Variants in ZNF26 observed in about 807,000 individuals in gnomAD.
ZNF26 encodes epididymis luminal protein 179.
Under a neutral mutation model 54.9 loss-of-function variants are expected in ZNF26, and 32 were observed. The ratio of observed to expected loss-of-function variants is 0.58; its 90% confidence interval spans 0.44 to 0.78. The LOEUF is 0.78. Ranked by LOEUF, ZNF26 falls within the 30% of genes least tolerant of loss-of-function variation. The pLI is 0.00. For synonymous variants in ZNF26, 221 were observed against 209.2 expected (o/e 1.06, Z -0.49); for missense variants, 524 against 634.0 (o/e 0.83, Z 1.86).
At position 133,019,422 on chromosome 12, in the gene ZNF26, G is replaced by A. The variant is rs1353094060; in HGVS notation, c.*7941G>A. ...AAGTAGGCAAAAGATCCAAACAGAC[G>A]TTTCTCAGAGAAGACATGCAAATGT... On this transcript the variant is annotated 3_prime_UTR_variant, in exon 4 of 4. Transcript: ENST00000328654. 4.6e-5 allele frequency: 7 copies of A among 152,060 alleles called. No individual in the cohort carries two copies. Among genetic ancestry groups the A allele is most frequent in the South Asian group, 4.1e-4 (2 of 4,828 alleles). The allele number at this position is 152,060 out of a possible 1,614,324, so 9.4% of individuals were successfully genotyped here.
intron 1 of ZNF26, among the ~76,000 whole-genome samples, chr12:132,993,685 A>G (rs1479166382): frequency 6.6e-6 from 1 of 151,218 alleles, no homozygotes; most frequent in African/African-American, 2.4e-5. Context: ...CGAATTCCTG[A>G]CCTCAGGTGA....
intron 1 of ZNF26, among the ~76,000 whole-genome samples, chr12:132,997,041 G>A (rs1438561743): frequency 8.5e-5 from 13 of 152,350 alleles, no homozygotes; most frequent in East Asian, 7.7e-4. Context: ...CTTCTAGACC[G>A]TAGGGAGGGG....
chr12:133,023,403 T>A lies in ZNF26; in HGVS notation c.*11922T>A, dbSNP rs906283324. The A allele has an allele frequency of 2.2e-4, 33 of 152,326 alleles. No homozygotes were observed. Among genetic ancestry groups the A allele is most frequent in the African/African-American group, 7.0e-4 (29 of 41,580 alleles). The allele number at this position is 152,326 out of a possible 1,614,324, so 9.4% of individuals were successfully genotyped here. A position where few individuals can be genotyped will look rare whatever the true frequency, so the allele number is the denominator to read the frequency against. On this transcript the variant is annotated 3_prime_UTR_variant, in exon 4 of 4. Transcript: ENST00000328654. ...TATGTAAGCAGTATTAGAGAATTTT[T>A]AAAATATAGATTACTTCCAAATTCA...
chr12:133,018,832 ATCC>A lies in ZNF26; in HGVS notation c.*7355_*7357del, dbSNP rs1468031925. ...GGTATCAAACTCCAGGGCTCAAGCA[ATCC>A]TCCCATTCTGGTCTCTCGAAGCATC... On this transcript the variant is annotated 3_prime_UTR_variant, in exon 4 of 4. Transcript: ENST00000328654. 6.6e-6 allele frequency: 1 copy of A among 152,044 alleles called. No homozygotes were observed. The highest frequency in any genetic ancestry group is 1.5e-5 in the Non-Finnish European group (1 of 68,026). 9.4% of individuals were successfully genotyped at this position (152,044 alleles called of 1,614,324 possible).
In ZNF26 at chr12:133,019,524, C is replaced by T. The variant is rs1342663318; in HGVS notation, c.*8043C>T. 1 of 151,958 alleles carries T rather than the reference C, an allele frequency of 6.6e-6. No homozygotes were observed. The highest frequency in any genetic ancestry group is 2.4e-5 in the African/African-American group (1 of 41,334). The allele number at this position is 151,958 out of a possible 1,614,324, so 9.4% of individuals were successfully genotyped here. On this transcript the variant is annotated 3_prime_UTR_variant, in exon 4 of 4. Transcript: ENST00000328654. ...AAATTAACCACAATCAGATATCATC[C>T]CTCTTCAGTTAAAATGGCTTGTATC...
rs1953618500 is a variant in ZNF26 at position 133,020,064 on chromosome 12, C to G, written c.*8583C>G. 1 of 151,436 alleles carries G rather than the reference C, an allele frequency of 6.6e-6. No homozygotes were observed. 9.4% of individuals were successfully genotyped at this position (151,436 alleles called of 1,614,324 possible). ...TGAGTTGAGATTGAACTGCTGCCCT[C>G]CAGCCTGGGCGACAGAGTAAAGCTC... is the stretch of plus-strand genomic sequence containing the variant. On this transcript the variant is annotated 3_prime_UTR_variant, in exon 4 of 4. Coordinates refer to ENST00000328654, the MANE Select transcript of ZNF26 (RefSeq NM_019591.4).
intron 1 of ZNF26, among the ~76,000 whole-genome samples, chr12:132,999,971 C>T (rs1336890459): frequency 6.6e-6 from 1 of 152,066 alleles, no homozygotes; most frequent in Non-Finnish European, 1.5e-5. Context: ...CACCTGGCCT[C>T]CTAGGTTCTC....
chr12:133,014,130 C>T lies in ZNF26; in HGVS notation c.*2649C>T, dbSNP rs1310438935. ...AACAATAATCTACACTAAACATGCC[C>T]TGGGATGGGATTGCTCATTTAGGAA... is the stretch of plus-strand genomic sequence containing the variant. On this transcript the variant is annotated 3_prime_UTR_variant, in exon 4 of 4. Coordinates refer to ENST00000328654, the MANE Select transcript of ZNF26 (RefSeq NM_019591.4). The T allele has an allele frequency of 6.6e-6, 1 of 152,194 alleles. No individual in the cohort carries two copies. The highest frequency in any genetic ancestry group is 2.4e-5 in the African/African-American group (1 of 41,436). The allele number at this position is 152,194 out of a possible 1,614,324, so 9.4% of individuals were successfully genotyped here.
rs1332697538 is a variant in ZNF26 at position 132,986,789 on chromosome 12, C to T, written c.-52C>T. ...GCGGACGCATCCCTCACGGTCTCTC[C>T]GCAGCCCGCGGGTCCTGCCCCCGCA... On this transcript the variant is annotated 5_prime_UTR_variant, in exon 1 of 4. Coordinates refer to ENST00000328654, the MANE Select transcript of ZNF26 (RefSeq NM_019591.4). 6.4e-7 allele frequency: 1 copy of T among 1,566,030 alleles called. No individual in the cohort carries two copies.
intron 1 of ZNF26, among the ~76,000 whole-genome samples, chr12:132,997,714 G>T (rs1322954718): frequency 6.6e-6 from 1 of 152,200 alleles, no homozygotes; most frequent in Non-Finnish European, 1.5e-5. Context: ...CTATGACTTT[G>T]CTTGTCTCAG....
Position 133,000,273 on chromosome 12 carries a change from G to A in ZNF26, c.34-6769G>A, listed in dbSNP as rs1006159915. On this transcript the variant is annotated intron_variant, in intron 1 of 3. Transcript: ENST00000328654. ...TTATTTATTTATTTATTTATTTTGA[G>A]TTAGAGTCTTGCTCTGTTGCCCAGG... Among the ~76,000 whole-genome samples, 685 of 151,886 alleles carry A rather than the reference G, an allele frequency of 4.5e-3. 8 individuals are homozygous for A. Among genetic ancestry groups the A allele is most frequent in the African/African-American group, 0.015 (629 of 41,452 alleles).
rs940812328 is a variant in ZNF26 at position 133,013,904 on chromosome 12, T to C, written c.*2423T>C. 2.0e-5 allele frequency: 3 copies of C among 152,644 alleles called. No homozygotes were observed. Among genetic ancestry groups the C allele is most frequent in the Non-Finnish European group, 4.4e-5 (3 of 68,224 alleles). The allele number at this position is 152,644 out of a possible 1,614,324, so 9.5% of individuals were successfully genotyped here. A position where few individuals can be genotyped will look rare whatever the true frequency, so the allele number is the denominator to read the frequency against. The stretch of plus-strand genomic sequence containing the variant: ...CTTGAGTGTCCATAAATAACTGTTG[T>C]TGGAACATGGCTAAATATATTTGTG... On this transcript the variant is annotated 3_prime_UTR_variant, in exon 4 of 4. Transcript: ENST00000328654.
chr12:133,004,301 T>C (rs1358281819), intron 1 of ZNF26: 1 of 146,824 alleles, frequency 6.8e-6, no homozygotes, highest in East Asian at 1.9e-4. Flanking sequence ...AAGATGTTTC[T>C]TTATACCTTC....
In ZNF26 at chr12:132,986,621, G is replaced by A; in HGVS notation, c.-220G>A. On this transcript the variant is annotated 5_prime_UTR_variant, in exon 1 of 4. Coordinates refer to ENST00000328654, the MANE Select transcript of ZNF26 (RefSeq NM_019591.4). ...CACGGAAAGGCACAAATCCATCCGTGCGACTCCTGGTACCCAGACCGGGAG... is the reference window on the plus strand; with the variant it reads ...CACGGAAAGGCACAAATCCATCCGTACGACTCCTGGTACCCAGACCGGGAG... 1 of 593,090 alleles carries A rather than the reference G, an allele frequency of 1.7e-6. No individual in the cohort carries two copies. Among genetic ancestry groups the A allele is most frequent in the Non-Finnish European group, 3.0e-6 (1 of 331,846 alleles). 36.7% of individuals were successfully genotyped at this position (593,090 alleles called of 1,614,324 possible).
chr12:132,988,219 G>C (rs1303878575), intron 1 of ZNF26, among the ~76,000 whole-genome samples: 1 of 151,182 alleles, frequency 6.6e-6, no homozygotes. Context: ...ATGTTGCCCA[G>C]GCTGGTCTTT....
chr12:133,006,346 C>G (rs1242435223), intron 1 of ZNF26: 6 of 959,076 alleles, frequency 6.3e-6, no homozygotes, highest in Non-Finnish European at 7.4e-6. Flanking sequence ...CTTTCTACCC[C>G]AACTTCTTGA....
At chr12:132,990,210 C>G (rs1434587183) in intron 1 of ZNF26, among the ~76,000 whole-genome samples, 1 of 152,170 alleles carries the variant, frequency 6.6e-6, no homozygotes, top group African/African-American at 2.4e-5. Context: ...ATTGCTTGAG[C>G]CTGGGAGGTT....
intron 1 of ZNF26, chr12:133,006,011 C>T: frequency 1.1e-6 from 1 of 888,702 alleles, no homozygotes; most frequent in Non-Finnish European, 1.3e-6. Context: ...GGTACAGGGA[C>T]TGCAAATTAT....
chr12:133,007,808 C>T (rs1953364629), intron 3 of ZNF26, among the ~76,000 whole-genome samples: 1 of 152,170 alleles, frequency 6.6e-6, no homozygotes, highest in Admixed American at 6.5e-5. Flanking sequence ...TCCGTCCTCC[C>T]CATGGTCATG....
Sources: gnomAD v4.1 joint callset for allele counts (sites outside exome capture counted in the v4.1 genomes callset) on GRCh38, gnomAD v4.1.1 for gene constraint, MANE v1.5 for transcripts, NCBI Gene and HGNC (gene_info 2026-07-23, HGNC 2026-07-21) for gene names.